The following TIAM1 variants were observed in gnomAD, a reference collection of about 807,000 sequenced individuals.
TIAM1 encodes the protein TIAM Rac1 associated GEF 1, also known as rho guanine nucleotide exchange factor TIAM1.
Under a neutral mutation model 163.5 loss-of-function variants are expected in TIAM1, and 65 were observed. The ratio of observed to expected loss-of-function variants is 0.40; its 90% CI spans 0.33 to 0.49. TIAM1 has a LOEUF of 0.49. Ranked by LOEUF, TIAM1 falls within the 20% of genes least tolerant of loss-of-function variation. TIAM1 has a pLI of 0.77. For synonymous variants in TIAM1, 833 were observed against 810.1 expected (o/e 1.03, Z -0.48); for missense variants, 1,789 against 2,044.7 (o/e 0.87, Z 2.41).
chr21:31,179,666 TA>T (rs2084924689), intron 15 of TIAM1, among the ~76,000 whole-genome samples: 1 of 151,798 alleles, frequency 6.6e-6, no homozygotes, highest in South Asian at 2.1e-4. Context: ...CTGAAGGAGG[TA>T]ACGTGGTCAG....
intron 2 of TIAM1, among the ~76,000 whole-genome samples, chr21:31,378,511 A>T (rs2076726780): frequency 6.6e-6 from 1 of 152,136 alleles, no homozygotes; most frequent in Non-Finnish European, 1.5e-5. Flanking sequence ...TCACTAATTA[A>T]CTTTCTTTGG....
At chr21:31,138,082 C>T (rs1343221224) in intron 22 of TIAM1, among the ~76,000 whole-genome samples, 1 of 151,896 alleles carries the variant, frequency 6.6e-6, no homozygotes, top group Non-Finnish European at 1.5e-5. Flanking sequence ...GAATCCTCCT[C>T]CCAAACCCCA....
At chr21:31,409,029 T>G (rs1286013792) in intron 2 of TIAM1, among the ~76,000 whole-genome samples, 1 of 151,898 alleles carries the variant, frequency 6.6e-6, no homozygotes, top group Non-Finnish European at 1.5e-5. Context: ...CGGTGGGTCC[T>G]AAGAATGTCT....
chr21:31,377,623 C>T (rs931377053), intron 2 of TIAM1, among the ~76,000 whole-genome samples: 1 of 152,164 alleles, frequency 6.6e-6, no homozygotes, highest in African/African-American at 2.4e-5. Context: ...CTTTTTGTCT[C>T]ATTGTCCTCA....
chr21:31,453,745 T>TA (rs1156439415), intron 2 of TIAM1, among the ~76,000 whole-genome samples: 7 of 149,228 alleles, frequency 4.7e-5, no homozygotes, highest in African/African-American at 7.4e-5. Context: ...TTTTAAAAAA[T>TA]AAAAAAAAAG....
chr21:31,198,717 AG>A (rs2086015988), intron 12 of TIAM1, among the ~76,000 whole-genome samples: 1 of 152,230 alleles, frequency 6.6e-6, no homozygotes, highest in African/African-American at 2.4e-5. Context: ...TCATTTCCAC[AG>A]GATCTAGTGG....
At chr21:31,525,195 C>T (rs1482808616) in intron 1 of TIAM1, among the ~76,000 whole-genome samples, 1 of 151,622 alleles carries the variant, frequency 6.6e-6, no homozygotes, top group East Asian at 1.9e-4. Context: ...CATGGTGACA[C>T]CTGTCTCTAA....
At chr21:31,260,628 C>CATG (rs958858164) in intron 4 of TIAM1, among the ~76,000 whole-genome samples, 14 of 148,594 alleles carry the variant, frequency 9.4e-5, no homozygotes, top group African/African-American at 3.5e-4. Context: ...GTTGAAAATG[C>CATG]ATGGGTTTGT....
At chr21:31,148,993 G>T (rs2833304) in intron 19 of TIAM1, among the ~76,000 whole-genome samples, 106,533 of 150,732 alleles carry the variant, frequency 0.71, 37,894 homozygotes, top group African/African-American at 0.77. Context: ...ACAATGAGGA[G>T]TTTAAAAAGA....
At chr21:31,165,112 T>C (rs1273829403) in intron 15 of TIAM1, 47 bp from the exon 16 acceptor site, 1 of 1,584,796 alleles carries the variant, frequency 6.3e-7, no homozygotes, top group Non-Finnish European at 8.6e-7. Flanking sequence ...TGGACAGTAA[T>C]TGCTAAAAGC....
At chr21:31,377,232 A>T (rs2076703727) in intron 2 of TIAM1, among the ~76,000 whole-genome samples, 1 of 145,818 alleles carries the variant, frequency 6.9e-6, no homozygotes, top group African/African-American at 2.6e-5. Flanking sequence ...CCTTTCTGCA[A>T]CTCCCACCTG....
chr21:31,404,002 T>C (rs921127595), intron 2 of TIAM1, among the ~76,000 whole-genome samples: 7 of 152,116 alleles, frequency 4.6e-5, no homozygotes, highest in Admixed American at 1.3e-4. Context: ...TAGCCGCAAC[T>C]CACACAGGGC....
intron 2 of TIAM1, among the ~76,000 whole-genome samples, chr21:31,420,060 A>C (rs1276202032): frequency 6.6e-6 from 1 of 152,206 alleles, no homozygotes; most frequent in Non-Finnish European, 1.5e-5. Flanking sequence ...AAAAACTAAA[A>C]ATAAAAAATA....
intron 1 of TIAM1, among the ~76,000 whole-genome samples, chr21:31,508,474 C>T (rs1198530385): frequency 2.0e-5 from 3 of 151,466 alleles, no homozygotes; most frequent in Non-Finnish European, 2.9e-5. Context: ...CTGCAACCTC[C>T]GCCTCCCGGG....
At chr21:31,310,104 G>A (rs1225158866) in intron 2 of TIAM1, among the ~76,000 whole-genome samples, 7 of 152,234 alleles carry the variant, frequency 4.6e-5, no homozygotes, top group African/African-American at 1.7e-4. Flanking sequence ...TGGGAAGTAA[G>A]GAAATGTACA....
rs1178083545 is a variant in TIAM1, at chr21:31,161,073, GTGTGTT to G, written c.2991+3883_2991+3888del. The stretch of plus-strand genomic sequence containing the variant: ...TGTGTGTGTGTGTGTGTGTGTGTGT[GTGTGTT>G]TAACAGTTGATAATTTCACATTTTT... On this transcript the variant is annotated intron_variant, in intron 16 of 27. Transcript: ENST00000541036. Among the ~76,000 whole-genome samples the G allele has an allele frequency of 3.2e-3, 462 of 143,296 alleles. 3 individuals carry two copies. Among genetic ancestry groups the G allele is most frequent in the African/African-American group, 0.011 (422 of 38,344 alleles). The allele number at this position is 143,296 out of a possible 152,430, so 94.0% of individuals were successfully genotyped here. A position where few individuals can be genotyped will look rare whatever the true frequency, so the allele number is the denominator to read the frequency against.
At chr21:31,239,630 T>C (rs2071063613) in intron 6 of TIAM1, among the ~76,000 whole-genome samples, 1 of 151,932 alleles carries the variant, frequency 6.6e-6, no homozygotes, top group Non-Finnish European at 1.5e-5. Context: ...ATACTTGCAA[T>C]GAATATAATC....
intron 16 of TIAM1, among the ~76,000 whole-genome samples, chr21:31,162,262 G>A (rs746937692): frequency 2.8e-4 from 43 of 152,200 alleles, no homozygotes; most frequent in Non-Finnish European, 4.4e-4. Flanking sequence ...GTGTTGTGAG[G>A]CTAAGATGAG....
intron 6 of TIAM1, among the ~76,000 whole-genome samples, 163 bp from the exon 7 acceptor site, chr21:31,226,113 A>G (rs183467851): frequency 6.6e-6 from 1 of 152,226 alleles, no homozygotes; most frequent in African/African-American, 2.4e-5. Flanking sequence ...GGAAATCAGT[A>G]ACAAAAAGTG....
Sources: gnomAD v4.1 joint callset for allele counts (sites outside exome capture counted in the v4.1 genomes callset) on GRCh38, gnomAD v4.1.1 for gene constraint, MANE v1.5 for transcripts, NCBI Gene and HGNC (gene_info 2026-07-23, HGNC 2026-07-21) for gene names.